The following SLC25A31 variants were observed in gnomAD, a reference collection of about 807,000 sequenced individuals.
SLC25A31 encodes ADP/ATP translocase 4.
SLC25A31 carries 40 observed loss-of-function variants against 36.2 expected under a neutral mutation model. The ratio of observed to expected loss-of-function variants is 1.10; its 90% CI spans 0.86 to 1.44. The LOEUF (loss-of-function observed/expected upper bound fraction) is 1.44, where lower values mean the gene tolerates loss of function less well. Ranked by LOEUF, SLC25A31 falls within the 40% of genes most tolerant of loss-of-function variation. The probability of loss-of-function intolerance (pLI) is 0.00; values close to 1 mark genes in which losing one functional copy is unlikely to be tolerated. For synonymous variants in SLC25A31, 143 were observed against 149.7 expected, an observed-to-expected ratio of 0.96 and a Z score of 0.32; for missense variants, 350 against 397.1, an observed-to-expected ratio of 0.88 and a Z score of 1.01.
chr4:127,769,974 C>T (rs1430305247), intron 5 of SLC25A31, among the ~76,000 whole-genome samples: 1 of 152,188 alleles, frequency 6.6e-6, no homozygotes, highest in African/African-American at 2.4e-5. Flanking sequence ...ATGCTTTATA[C>T]TGTCCTAAGA....
chr4:127,751,255 C>G (rs1298906374), intron 2 of SLC25A31, among the ~76,000 whole-genome samples: 1 of 152,116 alleles, frequency 6.6e-6, no homozygotes, highest in South Asian at 2.1e-4. Flanking sequence ...ACACAGCCCT[C>G]AGAAATAATA....
intron 3 of SLC25A31, among the ~76,000 whole-genome samples, chr4:127,766,569 C>T (rs1182040946): frequency 6.6e-6 from 1 of 152,124 alleles, no homozygotes; most frequent in Non-Finnish European, 1.5e-5. Context: ...ACAATCATAG[C>T]TCAGTGAAAC....
At chr4:127,734,426 G>T (rs1731584791) in intron 1 of SLC25A31, among the ~76,000 whole-genome samples, 1 of 151,888 alleles carries the variant, frequency 6.6e-6, no homozygotes, top group Non-Finnish European at 1.5e-5. Context: ...TGGGCATGGT[G>T]GCGCACGCCT....
Position 127,764,499 on chromosome 4 carries a change from G to A in SLC25A31, c.478+139G>A, listed in dbSNP as rs1284352333. The A allele has an allele frequency of 1.9e-5, 12 of 627,262 alleles. No homozygotes were observed. The East Asian group carries it at 3.4e-4, about 18-fold the overall frequency. 38.9% of individuals were successfully genotyped at this position (627,262 alleles called of 1,614,324 possible). ...TTCTCAACCAAATGGTGGAGTCATA[G>A]GGCCTAAAGTATATTACTTGCTTCT... On this transcript the variant is annotated intron_variant, in intron 3 of 5. Coordinates refer to ENST00000281154, the MANE Select transcript of SLC25A31 (RefSeq NM_031291.4).
intron 1 of SLC25A31, among the ~76,000 whole-genome samples, chr4:127,736,703 T>C (rs1324801785): frequency 6.6e-6 from 1 of 152,202 alleles, no homozygotes; most frequent in African/African-American, 2.4e-5. Flanking sequence ...ATAATAACTA[T>C]ACCTATCTGA....
chr4:127,746,438 C>T lies in SLC25A31; in HGVS notation c.360+1639C>T, dbSNP rs545936918. ...AAGTGTTCCCTTTTCTCCACAACCT[C>T]GCCAGCATCTGTTATTTTTTGACTT... is the stretch of plus-strand genomic sequence containing the variant. On this transcript the variant is annotated intron_variant, in intron 2 of 5. Coordinates refer to ENST00000281154, the MANE Select transcript of SLC25A31 (RefSeq NM_031291.4). Among the ~76,000 whole-genome samples, 62 of 152,292 alleles carry T rather than the reference C, an allele frequency of 4.1e-4. No individual in the cohort carries two copies. The South Asian group carries it at 0.012, about 30-fold the overall frequency.
At position 127,773,402 on chromosome 4, in the gene SLC25A31, G is replaced by A. The variant is rs139552475; in HGVS notation, c.776G>A (p.Arg259Gln). 2,025 of 1,612,360 alleles carry A rather than the reference G, an allele frequency of 1.3e-3. 6 individuals carry two copies. The highest frequency in any genetic ancestry group is 1.5e-3 in the Non-Finnish European group (1,751 of 1,179,560). Reference sequence around the variant, plus strand: ...TTTGTATAGAGTGGTGAGGCTAAACGGCAATATAAAGGAACCTTAGACTGC... The same window carrying A: ...TTTGTATAGAGTGGTGAGGCTAAACAGCAATATAAAGGAACCTTAGACTGC... Reference protein sequence around the residue: ...RMMMQSGEAKRQYKGTLDCFV... With the variant: ...RMMMQSGEAKQQYKGTLDCFV... Residue 259 changes from arginine (R) to glutamine (Q), a missense_variant, in exon 6 of 6, where the codon CGG (arginine) becomes CAG (glutamine). Coordinates refer to ENST00000281154, the MANE Select transcript of SLC25A31 (RefSeq NM_031291.4).
chr4:127,767,272 T>G (rs1732263850), intron 4 of SLC25A31, 52 bp downstream of exon 4: 1 of 1,357,516 alleles, frequency 7.4e-7, no homozygotes, highest in Non-Finnish European at 9.8e-7. Flanking sequence ...TTCCATTTAT[T>G]TAATTAGTAA....
rs1412534138 is a variant in SLC25A31, at chr4:127,773,968, CAT to C, written c.*397_*398del. 1 of 156,294 alleles carries C rather than the reference CAT, an allele frequency of 6.4e-6. No individual in the cohort carries two copies. Among genetic ancestry groups the C allele is most frequent in the African/African-American group, 2.4e-5 (1 of 41,516 alleles). The allele number at this position is 156,294 out of a possible 1,614,324, so 9.7% of individuals were successfully genotyped here. A position where few individuals can be genotyped will look rare whatever the true frequency, so the allele number is the denominator to read the frequency against. The stretch of plus-strand genomic sequence containing the variant: ...CATCTTTTGAAGTCATATGGTATGA[CAT>C]ATTTCTTAAAAGCTTATCAATAGAT... On this transcript the variant is annotated 3_prime_UTR_variant, in exon 6 of 6. Coordinates refer to ENST00000281154, the MANE Select transcript of SLC25A31 (RefSeq NM_031291.4).
At chr4:127,751,008 T>A (rs1193467283) in intron 2 of SLC25A31, among the ~76,000 whole-genome samples, 2 of 152,198 alleles carry the variant, frequency 1.3e-5, no homozygotes, top group African/African-American at 4.8e-5. Flanking sequence ...TACTTTAGCC[T>A]TAAGTATACA....
chr4:127,745,484 C>T (rs1731808552), intron 2 of SLC25A31, among the ~76,000 whole-genome samples: 1 of 152,092 alleles, frequency 6.6e-6, no homozygotes, highest in African/African-American at 2.4e-5. Context: ...AATCTCTCTT[C>T]CCCCTCATCT....
intron 2 of SLC25A31, among the ~76,000 whole-genome samples, chr4:127,758,685 A>C (rs1732075361): frequency 6.6e-6 from 1 of 152,236 alleles, no homozygotes; most frequent in Non-Finnish European, 1.5e-5. Flanking sequence ...ATTCTTCTGC[A>C]TATGGCTAGC....
At chr4:127,752,806 A>C (rs1731960695) in intron 2 of SLC25A31, among the ~76,000 whole-genome samples, 1 of 152,218 alleles carries the variant, frequency 6.6e-6, no homozygotes, top group African/African-American at 2.4e-5. Flanking sequence ...GACAGACTGC[A>C]ATGCATACTG....
intron 2 of SLC25A31, 80 bp downstream of exon 2, chr4:127,744,879 A>G (rs1378450128): frequency 3.8e-6 from 4 of 1,055,982 alleles, no homozygotes; most frequent in Non-Finnish European, 5.1e-6. Flanking sequence ...CAATGTAAAT[A>G]TATTTCACTA....
At chr4:127,760,054 A>G (rs538298294) in intron 2 of SLC25A31, among the ~76,000 whole-genome samples, 2 of 152,280 alleles carry the variant, frequency 1.3e-5, no homozygotes, top group African/African-American at 2.4e-5. Context: ...CTGTTGACCA[A>G]TTTGAACATG....
Position 127,730,541 on chromosome 4 carries a change from CCAT to C in SLC25A31, c.-1_2del, listed in dbSNP as rs755675653. The C allele has an allele frequency of 1.9e-6, 3 of 1,611,222 alleles. No homozygotes were observed. The Admixed American group carries it at 5.0e-5, about 27-fold the overall frequency. On this transcript the variant is annotated 5_prime_UTR_variant, in exon 1 of 6. Coordinates refer to ENST00000281154, the MANE Select transcript of SLC25A31 (RefSeq NM_031291.4). ...CTGCTGCCGGTTTTTATATCCTTCT[CCAT>C]CATGCATCGTGAGCCTGCGAAAAAG...
chr4:127,750,143 A>C (rs1002094551), intron 2 of SLC25A31, among the ~76,000 whole-genome samples: 8 of 152,222 alleles, frequency 5.3e-5, no homozygotes, highest in African/African-American at 1.9e-4. Flanking sequence ...AAGCTAAAGG[A>C]GTTCATCACC....
chr4:127,732,175 T>G (rs1731539063), intron 1 of SLC25A31, among the ~76,000 whole-genome samples: 2 of 152,234 alleles, frequency 1.3e-5, no homozygotes, highest in Admixed American at 6.5e-5. Flanking sequence ...TTGTGTATTC[T>G]CAAGAAATGA....
intron 3 of SLC25A31, 63 bp from the exon 4 acceptor site, chr4:127,767,003 T>A (rs1401138296): frequency 7.3e-7 from 1 of 1,372,840 alleles, no homozygotes; most frequent in African/African-American, 1.5e-5. Context: ...AAAGGTTTAT[T>A]TTGATTAAAG....
Sources: allele counts gnomAD v4.1 joint callset (sites outside exome capture counted in the v4.1 genomes callset), GRCh38; gene constraint gnomAD v4.1.1; transcripts MANE v1.5; gene names NCBI Gene and HGNC (gene_info 2026-07-23, HGNC 2026-07-21).